Variants in MKLN1 observed in about 807,000 individuals in gnomAD.
The protein encoded by MKLN1 is muskelin.
MKLN1 carries 18 observed loss-of-function variants against 99.0 expected under a neutral mutation model. That is an observed-to-expected ratio of 0.18 (90% CI 0.13 to 0.27). The LOEUF (loss-of-function observed/expected upper bound fraction) is 0.27, where lower values mean the gene tolerates loss of function less well. Ranked by LOEUF, MKLN1 falls within the 10% of genes least tolerant of loss-of-function variation. MKLN1 has a pLI of 1.00. For missense variants in MKLN1, 621 were observed against 875.9 expected, an observed-to-expected ratio of 0.71 and a Z score of 3.67; for synonymous variants, 288 against 293.2, an observed-to-expected ratio of 0.98 and a Z score of 0.18.
chr7:131,181,660 ATT>A (rs3078424), intron 2 of MKLN1, among the ~76,000 whole-genome samples: 26 of 135,896 alleles, frequency 1.9e-4, no homozygotes, highest in African/African-American at 4.0e-4. Flanking sequence ...CCTCATCCCT[ATT>A]TTTTTTTTTT....
At chr7:131,407,689 T>G (rs1794748579) in intron 6 of MKLN1, among the ~76,000 whole-genome samples, 1 of 151,832 alleles carries the variant, frequency 6.6e-6, no homozygotes, top group Non-Finnish European at 1.5e-5. Context: ...AAACATGGTT[T>G]TTTTTTTTTT....
chr7:131,142,615 G>T (rs997283575), intron 1 of MKLN1, among the ~76,000 whole-genome samples: 1 of 148,800 alleles, frequency 6.7e-6, no homozygotes, highest in African/African-American at 2.5e-5. Context: ...GGCGCCTGTA[G>T]TCCCAGCTAC....
intron 1 of MKLN1, among the ~76,000 whole-genome samples, chr7:131,129,118 G>T (rs572550048): frequency 1.3e-5 from 2 of 152,148 alleles, no homozygotes; most frequent in South Asian, 2.1e-4. Flanking sequence ...AAATGAAAAT[G>T]GTCCAGTTTC....
chr7:131,135,157 C>G (rs1795628822), intron 1 of MKLN1, among the ~76,000 whole-genome samples: 1 of 152,234 alleles, frequency 6.6e-6, no homozygotes, highest in Admixed American at 6.5e-5. Flanking sequence ...GCATCTTGCT[C>G]TGTCGCCCAG....
chr7:131,421,766 A>G (rs1248819680), intron 8 of MKLN1, among the ~76,000 whole-genome samples: 1 of 152,196 alleles, frequency 6.6e-6, no homozygotes, highest in Non-Finnish European at 1.5e-5. Context: ...GTTTTAAAGT[A>G]ATTAAAAAGT....
At chr7:131,299,930 G>A (rs7812294) in intron 3 of MKLN1, among the ~76,000 whole-genome samples, 29,353 of 152,070 alleles carry the variant, frequency 0.19, 3,065 homozygotes, top group African/African-American at 0.28. Flanking sequence ...ATACTAGAGC[G>A]ATGTGAAAAT....
At chr7:131,384,572 A>G (rs983687490) in intron 2 of MKLN1, among the ~76,000 whole-genome samples, 1 of 152,188 alleles carries the variant, frequency 6.6e-6, no homozygotes, top group Non-Finnish European at 1.5e-5. Flanking sequence ...CTCCAGAACT[A>G]TGAGAAAATA....
intron 3 of MKLN1, among the ~76,000 whole-genome samples, chr7:131,211,892 A>G (rs891744643): frequency 2.6e-5 from 4 of 152,208 alleles, no homozygotes; most frequent in Admixed American, 6.5e-5. Context: ...GAGAAGCTTT[A>G]CTAGTGTCTC....
At chr7:131,254,726 T>C (rs1472988691) in intron 3 of MKLN1, among the ~76,000 whole-genome samples, 2 of 151,888 alleles carry the variant, frequency 1.3e-5, no homozygotes, top group African/African-American at 2.4e-5. Flanking sequence ...AATTTGAAGA[T>C]AGATAGAGAT....
At chr7:131,459,907 G>A (rs1417267283) in intron 12 of MKLN1, among the ~76,000 whole-genome samples, 7 of 151,638 alleles carry the variant, frequency 4.6e-5, no homozygotes, top group Admixed American at 2.6e-4. Flanking sequence ...ATTTGGCTTC[G>A]ATGGGTATAT....
chr7:131,408,719 C>A (rs1794781782), intron 6 of MKLN1, among the ~76,000 whole-genome samples: 1 of 152,084 alleles, frequency 6.6e-6, no homozygotes, highest in African/African-American at 2.4e-5. Context: ...CCTTAGCCTC[C>A]CAAAACCCTA....
In MKLN1 at chr7:131,487,550, GT is replaced by G; in HGVS notation, c.2087-52del. ...AATACATTGCTGCTGGTCTCAACTA[GT>G]TTTTCTGTTACATGTTTTAAACACA... On this transcript the variant is annotated intron_variant, in intron 17 of 17. Transcript: ENST00000352689. This position sits in a 1 kb window ranked among gnomAD's most constrained non-coding sequence, Gnocchi z 4.7. 6.4e-7 allele frequency: 1 copy of G among 1,570,282 alleles called. No individual in the cohort carries two copies.
intron 2 of MKLN1, among the ~76,000 whole-genome samples, chr7:131,194,045 G>A (rs1259509049): frequency 1.8e-5 from 2 of 110,552 alleles, no homozygotes; most frequent in Non-Finnish European, 3.8e-5. Flanking sequence ...TCATTTTATT[G>A]CCCCGGCTGG....
In MKLN1 at chr7:131,487,964, A is replaced by AATAT. The variant is rs150780881; in HGVS notation, c.*251_*254dup. 8.3e-5 allele frequency: 15 copies of AATAT among 179,762 alleles called. No homozygotes were observed. The highest frequency in any genetic ancestry group is 2.2e-4 in the African/African-American group (9 of 41,634). 11.1% of individuals were successfully genotyped at this position (179,762 alleles called of 1,614,324 possible). On this transcript the variant is annotated 3_prime_UTR_variant, in exon 18 of 18. Coordinates refer to ENST00000352689, the MANE Select transcript of MKLN1 (RefSeq NM_013255.5). This position sits in a 1 kb window ranked among gnomAD's most constrained non-coding sequence, Gnocchi z 4.7. ...GTGAAATTGGTATACTTTCCAGTTA[A>AATAT]ATATATATATATATATATTTTTTCT...
chr7:131,218,440 G>C (rs1178378000), intron 3 of MKLN1, among the ~76,000 whole-genome samples: 1 of 152,168 alleles, frequency 6.6e-6, no homozygotes, highest in Non-Finnish European at 1.5e-5. Context: ...GCAAGTAGAG[G>C]GGGTTAGTTC....
At chr7:131,452,602 G>A (rs1050458392) in intron 12 of MKLN1, among the ~76,000 whole-genome samples, 1 of 136,208 alleles carries the variant, frequency 7.3e-6, no homozygotes, top group Non-Finnish European at 1.5e-5. Flanking sequence ...CCAGGCTGGA[G>A]TGCAGTGGCA....
chr7:131,160,728 C>T (rs1030441955), intron 2 of MKLN1, among the ~76,000 whole-genome samples: 2 of 148,190 alleles, frequency 1.3e-5, no homozygotes, highest in Non-Finnish European at 3.0e-5. Context: ...CAGGGTTTCA[C>T]CAGGTTGACC....
intron 3 of MKLN1, among the ~76,000 whole-genome samples, chr7:131,254,215 G>T (rs1219049074): frequency 6.6e-6 from 1 of 152,166 alleles, no homozygotes; most frequent in Admixed American, 6.6e-5. Flanking sequence ...GAGGAGCAAC[G>T]TTAAGAGATT....
intron 1 of MKLN1, among the ~76,000 whole-genome samples, chr7:131,133,627 T>C (rs1194888995): frequency 6.6e-6 from 1 of 150,906 alleles, no homozygotes; most frequent in African/African-American, 2.4e-5. Context: ...GCTGGGATTA[T>C]AGGCGTGAGC....
Sources: allele counts gnomAD v4.1 joint callset (sites outside exome capture counted in the v4.1 genomes callset), GRCh38; gene constraint gnomAD v4.1.1; non-coding constraint Gnocchi (gnomAD v3.1); transcripts MANE v1.5; gene names NCBI Gene and HGNC (gene_info 2026-07-23, HGNC 2026-07-21).